SPON1: variants seen among roughly 807,000 people sequenced by gnomAD.
The protein encoded by SPON1 is spondin 1, also known as spondin-1.
Under a neutral mutation model 111.7 loss-of-function variants are expected in SPON1, and 52 were observed. The ratio of observed to expected loss-of-function variants is 0.47; its 90% confidence interval spans 0.37 to 0.59. The LOEUF (loss-of-function observed/expected upper bound fraction) is 0.59. Among genes scored for constraint, SPON1 ranks in the 20% least tolerant of loss-of-function variants. The pLI is 0.00. For synonymous variants in SPON1, 410 were observed against 395.8 expected, an observed-to-expected ratio of 1.04 and a Z score of -0.43; for missense variants, 957 against 1,068.5, an observed-to-expected ratio of 0.90 and a Z score of 1.46.
chr11:14,054,464 C>T (rs80285647), intron 3 of SPON1, among the ~76,000 whole-genome samples: 5,344 of 152,206 alleles, frequency 0.035, 128 homozygotes, highest in Admixed American at 0.067. Flanking sequence ...AAATGTAAAT[C>T]GGCATGATTA....
intron 7 of SPON1, 125 bp downstream of exon 7, chr11:14,243,521 G>A (rs1554939946): frequency 1.3e-6 from 1 of 788,792 alleles, no homozygotes; most frequent in African/African-American, 1.7e-5. Context: ...TTAACAAGCA[G>A]GCAAGATGCT....
intron 2 of SPON1, among the ~76,000 whole-genome samples, chr11:13,997,409 AACTT>A (rs1285233579): frequency 2.0e-4 from 31 of 152,220 alleles, no homozygotes; most frequent in Admixed American, 2.0e-3. Flanking sequence ...ATTTATCTGA[AACTT>A]ACTTAGTCCC....
At position 14,248,810 on chromosome 11, in the gene SPON1, A is replaced by G. The variant is rs185444166; in HGVS notation, c.890+5414A>G. ...ACTGACTTGTTTTTCAATGATCTGCATCTTTATCCCCAGGACCACTTCTCA... is the reference window on the plus strand; with the variant it reads ...ACTGACTTGTTTTTCAATGATCTGCGTCTTTATCCCCAGGACCACTTCTCA... On this transcript the variant is annotated intron_variant, in intron 7 of 15. Transcript: ENST00000576479. Among the ~76,000 whole-genome samples, 5 of 152,186 alleles carry G rather than the reference A, an allele frequency of 3.3e-5. 1 individual carries two copies. Among genetic ancestry groups the G allele is most frequent in the African/African-American group, 9.7e-5 (4 of 41,442 alleles).
chr11:14,117,866 A>G (rs1849277823), intron 5 of SPON1, among the ~76,000 whole-genome samples: 1 of 152,194 alleles, frequency 6.6e-6, no homozygotes, highest in South Asian at 2.1e-4. Context: ...CTGTCACATT[A>G]TAGATCCTCC....
chr11:14,161,082 A>ATTTATATATATCTATATAT (rs1213910132), intron 6 of SPON1, among the ~76,000 whole-genome samples: 6 of 38,398 alleles, frequency 1.6e-4, no homozygotes, highest in African/African-American at 5.6e-4. Context: ...ATTTTTATAT[A>ATTTATATATATCTATATAT]TTTATATATA....
chr11:14,063,756 C>T (rs1848809509), intron 3 of SPON1, among the ~76,000 whole-genome samples: 1 of 152,210 alleles, frequency 6.6e-6, no homozygotes, highest in African/African-American at 2.4e-5. Flanking sequence ...CTTGGTTTCA[C>T]CTCCTGGTGC....
intron 2 of SPON1, among the ~76,000 whole-genome samples, chr11:14,028,446 C>T (rs537329071): frequency 5.3e-5 from 8 of 151,054 alleles, no homozygotes; most frequent in East Asian, 3.9e-4. Flanking sequence ...TCACTCTAGC[C>T]GGGGCACAGA....
intron 5 of SPON1, among the ~76,000 whole-genome samples, chr11:14,103,411 C>T (rs988252361): frequency 2.0e-5 from 3 of 152,170 alleles, no homozygotes; most frequent in African/African-American, 7.2e-5. Context: ...TAGAGCTGGC[C>T]TAGTCCTGCA....
intron 6 of SPON1, among the ~76,000 whole-genome samples, chr11:14,206,736 A>G: frequency 6.6e-6 from 1 of 152,250 alleles, no homozygotes; most frequent in East Asian, 1.9e-4. Context: ...ATCACAGATG[A>G]CACAAACAAA....
chr11:14,174,332 G>A (rs1554932870), intron 6 of SPON1, among the ~76,000 whole-genome samples: 1 of 152,184 alleles, frequency 6.6e-6, no homozygotes, highest in African/African-American at 2.4e-5. Context: ...CTGCTTCTCT[G>A]ATCCAAGTGT....
At chr11:13,991,817 C>T (rs976522176) in intron 2 of SPON1, among the ~76,000 whole-genome samples, 25 of 152,190 alleles carry the variant, frequency 1.6e-4, no homozygotes, top group African/African-American at 5.6e-4. Flanking sequence ...AGCCAGGCCC[C>T]TGTGCTGCCA....
At chr11:14,230,732 C>T (rs962030502) in intron 6 of SPON1, among the ~76,000 whole-genome samples, 1 of 151,616 alleles carries the variant, frequency 6.6e-6, no homozygotes, top group Non-Finnish European at 1.5e-5. Flanking sequence ...GCGACCTTTT[C>T]TTTTTACTTT....
At chr11:14,240,541 CT>C (rs1848913807) in intron 6 of SPON1, among the ~76,000 whole-genome samples, 1 of 147,728 alleles carries the variant, frequency 6.8e-6, no homozygotes, top group Non-Finnish European at 1.5e-5. Flanking sequence ...CCAAACTATA[CT>C]TGTGGAGTTA....
At chr11:14,060,491 C>T (rs1348828455) in intron 3 of SPON1, among the ~76,000 whole-genome samples, 1 of 152,160 alleles carries the variant, frequency 6.6e-6, no homozygotes, top group African/African-American at 2.4e-5. Flanking sequence ...TATACCTCAG[C>T]TTCATTTATT....
At chr11:14,073,481 C>G (rs1219455412) in intron 3 of SPON1, among the ~76,000 whole-genome samples, 2 of 152,162 alleles carry the variant, frequency 1.3e-5, no homozygotes, top group Non-Finnish European at 2.9e-5. Flanking sequence ...GTAGGTCCTC[C>G]CATGAGCCCA....
intron 6 of SPON1, among the ~76,000 whole-genome samples, chr11:14,145,588 C>T (rs1397585284): frequency 6.6e-6 from 1 of 152,082 alleles, no homozygotes; most frequent in Non-Finnish European, 1.5e-5. Flanking sequence ...CCATCTGAAC[C>T]ATTTTTAAGT....
chr11:14,160,583 TTACA>T (rs1378949099), intron 6 of SPON1, among the ~76,000 whole-genome samples: 1 of 22,086 alleles, frequency 4.5e-5, no homozygotes, highest in African/African-American at 1.6e-4. Context: ...ATATATATAT[TTACA>T]TATATATATT....
At chr11:14,141,867 G>A (rs11023104) in intron 6 of SPON1, among the ~76,000 whole-genome samples, 2 of 151,494 alleles carry the variant, frequency 1.3e-5, no homozygotes, top group African/African-American at 2.4e-5. Flanking sequence ...TGCCTCATCC[G>A]GTTTGGAAAA....
chr11:14,201,581 AGAGAT>A (rs1259009450), intron 6 of SPON1, among the ~76,000 whole-genome samples: 3 of 151,942 alleles, frequency 2.0e-5, no homozygotes, highest in African/African-American at 7.2e-5. Context: ...TATTTTTAGA[AGAGAT>A]GAGGTCTCAC....
Sources: allele counts gnomAD v4.1 joint callset (sites outside exome capture counted in the v4.1 genomes callset), GRCh38; gene constraint gnomAD v4.1.1; transcripts MANE v1.5; gene names NCBI Gene and HGNC (gene_info 2026-07-23, HGNC 2026-07-21).